Variants in ROBO2 observed in about 807,000 individuals in gnomAD.
ROBO2 encodes roundabout homolog 2.
A neutral mutation model predicts 160.8 loss-of-function variants in ROBO2; 53 were observed. The observed-to-expected ratio is 0.33, with a 90% CI of 0.26 to 0.41. The LOEUF (loss-of-function observed/expected upper bound fraction) is 0.41, where lower values mean the gene tolerates loss of function less well. ROBO2 is among the 10% of genes least tolerant of loss of function. The pLI is 1.00. For synonymous variants in ROBO2, 664 were observed against 611.7 expected (o/e 1.09, Z -1.26); for missense variants, 1,577 against 1,722.4 (o/e 0.92, Z 1.49).
rs141735663 is a variant in ROBO2, at chr3:76,275,392, G to A, written c.109+337790G>A. Among the ~76,000 whole-genome samples the A allele has an allele frequency of 1.2e-3, 181 of 152,146 alleles. 1 individual carries two copies. The highest frequency in any genetic ancestry group is 4.2e-3 in the African/African-American group (173 of 41,520). On this transcript the variant is annotated intron_variant, in intron 2 of 26. Coordinates refer to the ROBO2 transcript ENST00000487694. The stretch of plus-strand genomic sequence containing the variant: ...CCCAAAAGTAAGTAAAACTTGCATA[G>A]AAATAGCAAGCAGGATGCCTAGTCC...
chr3:75,926,887 A>T (rs1268631660), intron 1 of ROBO2, among the ~76,000 whole-genome samples: 2 of 152,236 alleles, frequency 1.3e-5, no homozygotes, highest in Non-Finnish European at 2.9e-5. Context: ...CACTTTTAAT[A>T]GTCATAACAA....
chr3:76,322,039 G>C (rs925327127), intron 2 of ROBO2, among the ~76,000 whole-genome samples: 16 of 151,690 alleles, frequency 1.1e-4, no homozygotes, highest in Admixed American at 9.2e-4. Context: ...TTAGTGTGAA[G>C]AGTTTCATCT....
chr3:77,578,265 G>A (rs913974906), intron 15 of ROBO2, among the ~76,000 whole-genome samples: 1 of 151,950 alleles, frequency 6.6e-6, no homozygotes, highest in African/African-American at 2.4e-5. Context: ...GTATGTCTAC[G>A]TTTTCAAAAT....
At chr3:77,324,483 C>G (rs2065148174) in intron 2 of ROBO2, among the ~76,000 whole-genome samples, 1 of 152,012 alleles carries the variant, frequency 6.6e-6, no homozygotes, top group Admixed American at 6.6e-5. Flanking sequence ...AGTCAAAATA[C>G]TACCATACTT....
chr3:76,453,538 C>A (rs1209383232), intron 2 of ROBO2, among the ~76,000 whole-genome samples: 1 of 152,098 alleles, frequency 6.6e-6, no homozygotes, highest in Non-Finnish European at 1.5e-5. Context: ...TGGTCTATAT[C>A]TCTGTTTTGG....
chr3:77,010,972 G>T (rs553742801), intron 2 of ROBO2, among the ~76,000 whole-genome samples: 4 of 139,412 alleles, frequency 2.9e-5, no homozygotes, highest in African/African-American at 8.1e-5. Context: ...TCTCTGTATT[G>T]CTTTTCCTTC....
chr3:77,123,746 A>C (rs1297421528), intron 2 of ROBO2, among the ~76,000 whole-genome samples: 1 of 148,702 alleles, frequency 6.7e-6, no homozygotes, highest in Non-Finnish European at 1.5e-5. Flanking sequence ...CTAGATATAT[A>C]ATCTATATAG....
intron 2 of ROBO2, among the ~76,000 whole-genome samples, chr3:77,199,623 T>TC (rs1438317976): frequency 3.2e-5 from 2 of 61,546 alleles, no homozygotes; most frequent in African/African-American, 7.6e-5. Flanking sequence ...AGTCACCATT[T>TC]TTTTTTTTTT....
chr3:76,142,640 A>G (rs1322168197), intron 2 of ROBO2, among the ~76,000 whole-genome samples: 1 of 151,980 alleles, frequency 6.6e-6, no homozygotes, highest in African/African-American at 2.4e-5. Context: ...CATAGAGAGT[A>G]GAAGGATGGT....
intron 2 of ROBO2, among the ~76,000 whole-genome samples, chr3:76,637,281 G>A (rs2090394802): frequency 1.3e-5 from 2 of 152,106 alleles, no homozygotes; most frequent in African/African-American, 4.8e-5. Flanking sequence ...AGGTTCACCA[G>A]GAGCTTCAAA....
intron 2 of ROBO2, among the ~76,000 whole-genome samples, chr3:76,018,895 C>A (rs896422184): frequency 1.3e-5 from 2 of 151,828 alleles, no homozygotes; most frequent in Non-Finnish European, 2.9e-5. Context: ...ATGGCCTCCC[C>A]ACATGGTTCG....
At chr3:76,988,369 A>C (rs955517641) in intron 2 of ROBO2, among the ~76,000 whole-genome samples, 4 of 152,180 alleles carry the variant, frequency 2.6e-5, no homozygotes, top group Admixed American at 2.0e-4. Context: ...AGAATTGAAC[A>C]ATTAGGTGAA....
intron 2 of ROBO2, among the ~76,000 whole-genome samples, chr3:76,864,553 C>T (rs936208252): frequency 6.6e-6 from 1 of 151,968 alleles, no homozygotes; most frequent in Non-Finnish European, 1.5e-5. Flanking sequence ...ATTTCTTACT[C>T]CCAGCATGTG....
chr3:76,349,072 T>C (rs1156753655), intron 2 of ROBO2, among the ~76,000 whole-genome samples: 2 of 152,162 alleles, frequency 1.3e-5, no homozygotes, highest in Non-Finnish European at 2.9e-5. Context: ...GTTTAAGATC[T>C]CTGTTCCATT....
At chr3:76,058,371 A>G (rs537169251) in intron 2 of ROBO2, among the ~76,000 whole-genome samples, 1 of 152,002 alleles carries the variant, frequency 6.6e-6, no homozygotes, top group Admixed American at 6.5e-5. Flanking sequence ...TTCTGTAAAG[A>G]ACATTTTTAA....
intron 2 of ROBO2, among the ~76,000 whole-genome samples, chr3:77,377,717 G>T (rs1013673664): frequency 6.6e-6 from 1 of 152,128 alleles, no homozygotes; most frequent in African/African-American, 2.4e-5. Flanking sequence ...ACTGCAATAG[G>T]AGTTAGATAT....
At chr3:77,527,484 T>C (rs1314930248) in intron 6 of ROBO2, 70 bp downstream of exon 7, 14 of 1,039,660 alleles carry the variant, frequency 1.3e-5, no homozygotes, top group African/African-American at 1.7e-5. Flanking sequence ...CATAGTAAGA[T>C]TTGACAGAAT....
chr3:76,545,293 C>T (rs2083033872), intron 2 of ROBO2, among the ~76,000 whole-genome samples: 1 of 151,898 alleles, frequency 6.6e-6, no homozygotes, highest in African/African-American at 2.4e-5. Context: ...CTATTTTTAT[C>T]TATGTCGGAC....
intron 2 of ROBO2, among the ~76,000 whole-genome samples, chr3:76,146,753 C>G (rs2071911335): frequency 9.0e-6 from 1 of 111,694 alleles, no homozygotes; most frequent in African/African-American, 3.3e-5. Context: ...GGTGGGTATC[C>G]TCATATCATT....
Sources: gnomAD v4.1 joint callset for allele counts (sites outside exome capture counted in the v4.1 genomes callset) on GRCh38, gnomAD v4.1.1 for gene constraint, MANE v1.5 for transcripts, NCBI Gene and HGNC (gene_info 2026-07-23, HGNC 2026-07-21) for gene names.